The following CTNNA2 variants were observed in gnomAD, a reference collection of about 807,000 sequenced individuals.
CTNNA2 encodes catenin alpha 2.
Under a neutral mutation model 101.0 loss-of-function variants are expected in CTNNA2, and 42 were observed. The observed-to-expected ratio is 0.42, with a 90% CI of 0.32 to 0.54. The LOEUF (loss-of-function observed/expected upper bound fraction) is 0.54. CTNNA2 is among the 20% of genes least tolerant of loss of function. The probability of loss-of-function intolerance (pLI) is 0.14; values close to 1 mark genes in which losing one functional copy is unlikely to be tolerated. For synonymous variants in CTNNA2, 450 were observed against 456.4 expected, an observed-to-expected ratio of 0.99 and a Z score of 0.18; for missense variants, 871 against 1,223.1, an observed-to-expected ratio of 0.71 and a Z score of 4.29.
At chr2:80,620,942 A>G (rs911544339) in intron 18 of CTNNA2, among the ~76,000 whole-genome samples, 3 of 151,936 alleles carry the variant, frequency 2.0e-5, no homozygotes, top group Non-Finnish European at 2.9e-5. Flanking sequence ...ATTTATCTTC[A>G]TGTGCATGTT....
intron 1 of CTNNA2, among the ~76,000 whole-genome samples, chr2:79,195,309 C>T (rs922111097): frequency 1.3e-5 from 2 of 152,156 alleles, no homozygotes; most frequent in Admixed American, 6.5e-5. Context: ...CAGAATATTT[C>T]ATCAGGAACT....
At chr2:79,538,551 T>A (rs1303085474) in intron 1 of CTNNA2, among the ~76,000 whole-genome samples, 2 of 152,180 alleles carry the variant, frequency 1.3e-5, no homozygotes, top group Non-Finnish European at 2.9e-5. Flanking sequence ...TCCAGAGATA[T>A]GGCCTTGCTA....
chr2:80,542,499 G>T (rs1357986150), intron 9 of CTNNA2, among the ~76,000 whole-genome samples: 1 of 151,688 alleles, frequency 6.6e-6, no homozygotes, highest in East Asian at 1.9e-4. Context: ...CATGATCTCT[G>T]GTTGTCACTC....
At chr2:80,170,216 T>C (rs1164477815) in intron 7 of CTNNA2, among the ~76,000 whole-genome samples, 1 of 150,982 alleles carries the variant, frequency 6.6e-6, no homozygotes, top group Admixed American at 6.6e-5. Flanking sequence ...TCTATCTCTC[T>C]CTCTCTCTCT....
chr2:79,326,916 G>C (rs2104414600), intron 3 of CTNNA2, among the ~76,000 whole-genome samples: 1 of 152,300 alleles, frequency 6.6e-6, no homozygotes, highest in Admixed American at 6.5e-5. Context: ...TAGTGGGGAG[G>C]CTGGTCTCCT....
chr2:79,959,245 T>G (rs1689459598), intron 7 of CTNNA2, among the ~76,000 whole-genome samples: 1 of 152,120 alleles, frequency 6.6e-6, no homozygotes, highest in South Asian at 2.1e-4. Flanking sequence ...ACAGATTTGT[T>G]ACTTTTTTTT....
At chr2:80,507,559 T>G (rs1225014109) in intron 9 of CTNNA2, among the ~76,000 whole-genome samples, 1 of 152,204 alleles carries the variant, frequency 6.6e-6, no homozygotes, top group Non-Finnish European at 1.5e-5. Context: ...AAAGTGCTAA[T>G]TTTTTCTTTA....
Position 80,281,187 on chromosome 2 carries a change from G to T in CTNNA2, c.1057-112024G>T, listed in dbSNP as rs563699551. On this transcript the variant is annotated intron_variant, in intron 7 of 18. Transcript: ENST00000402739. Reference sequence around the variant, plus strand: ...ACAAATTATATTCAGAAATGTCCCTGGATACTTGCTCAGGATCTGTGTTGT... The same window carrying T: ...ACAAATTATATTCAGAAATGTCCCTTGATACTTGCTCAGGATCTGTGTTGT... 1.1e-4 allele frequency among the ~76,000 whole-genome samples: 17 copies of T among 152,224 alleles called. No individual in the cohort carries two copies. In the East Asian group the frequency reaches 3.3e-3, roughly 29 times the overall value.
intron 9 of CTNNA2, among the ~76,000 whole-genome samples, chr2:80,538,945 C>T (rs1176771199): frequency 1.3e-5 from 2 of 152,206 alleles, no homozygotes; most frequent in South Asian, 2.1e-4. Flanking sequence ...CTTCACATCC[C>T]TTGAAAATTG....
intron 2 of CTNNA2, among the ~76,000 whole-genome samples, chr2:79,694,709 G>A (rs1269743945): frequency 6.6e-6 from 1 of 151,794 alleles, no homozygotes; most frequent in African/African-American, 2.4e-5. Flanking sequence ...CTGTTTTTCT[G>A]CTGTGTCAGT....
chr2:80,454,320 G>A (rs1249520094), intron 9 of CTNNA2, among the ~76,000 whole-genome samples: 1 of 152,274 alleles, frequency 6.6e-6, no homozygotes, highest in African/African-American at 2.4e-5. Flanking sequence ...AAAATATGCT[G>A]TTATGGAAGG....
At chr2:79,204,623 A>G (rs1371843960) in intron 2 of CTNNA2, among the ~76,000 whole-genome samples, 2 of 152,224 alleles carry the variant, frequency 1.3e-5, no homozygotes, top group African/African-American at 4.8e-5. Context: ...TTACAACAGA[A>G]TGCCTGAGAC....
At position 79,898,906 on chromosome 2, in the gene CTNNA2, G is replaced by A. The variant is rs1484670035; in HGVS notation, c.853-10688G>A. 2.6e-5 allele frequency among the ~76,000 whole-genome samples: 4 copies of A among 152,110 alleles called. No individual in the cohort carries two copies. In the East Asian group the frequency reaches 7.7e-4, roughly 29 times the overall value. ...TTGAGCCCTCTAAGAAAGAGTTGTTGAGAGGACTACTGAGAACAGGGAGCA... is the reference window on the plus strand; with the variant it reads ...TTGAGCCCTCTAAGAAAGAGTTGTTAAGAGGACTACTGAGAACAGGGAGCA... On this transcript the variant is annotated intron_variant, in intron 6 of 18. Transcript: ENST00000402739.
chr2:79,547,788 CT>C (rs1362364181), intron 1 of CTNNA2: 1 of 152,670 alleles, frequency 6.6e-6, no homozygotes, highest in Non-Finnish European at 1.5e-5. Context: ...ATACCAAACA[CT>C]TTTCCACACT....
chr2:79,362,719 G>A (rs1677659133), intron 3 of CTNNA2, among the ~76,000 whole-genome samples: 1 of 152,216 alleles, frequency 6.6e-6, no homozygotes, highest in South Asian at 2.1e-4. Flanking sequence ...ATTTGGCACA[G>A]CAGTTTCCCC....
intron 4 of CTNNA2, among the ~76,000 whole-genome samples, chr2:79,376,628 C>T (rs1677978947): frequency 6.6e-6 from 1 of 152,058 alleles, no homozygotes; most frequent in South Asian, 2.1e-4. Flanking sequence ...AATGCTATCC[C>T]TCTCCCCTCC....
intron 4 of CTNNA2, among the ~76,000 whole-genome samples, chr2:79,487,859 A>G (rs1366696580): frequency 6.6e-6 from 1 of 152,208 alleles, no homozygotes; most frequent in Non-Finnish European, 1.5e-5. Flanking sequence ...TCAATAGATA[A>G]CTAAAAGAGT....
intron 1 of CTNNA2, among the ~76,000 whole-genome samples, chr2:79,513,810 T>C (rs1375062657): frequency 1.3e-5 from 2 of 152,254 alleles, no homozygotes; most frequent in African/African-American, 4.8e-5. Flanking sequence ...TTTCTTTTTT[T>C]CTTCTGGGAA....
intron 9 of CTNNA2, among the ~76,000 whole-genome samples, chr2:80,527,913 C>T (rs1690178014): frequency 1.3e-5 from 2 of 152,118 alleles, no homozygotes; most frequent in South Asian, 2.1e-4. Flanking sequence ...TACACAAGGG[C>T]GAGTACATCA....
Sources: allele counts gnomAD v4.1 joint callset (sites outside exome capture counted in the v4.1 genomes callset), GRCh38; gene constraint gnomAD v4.1.1; transcripts MANE v1.5; gene names NCBI Gene and HGNC (gene_info 2026-07-23, HGNC 2026-07-21).